The following SMAD9 variants were observed in gnomAD, a reference collection of about 807,000 sequenced individuals.
The protein encoded by SMAD9 is MAD homolog 9.
A neutral mutation model predicts 46.1 loss-of-function variants in SMAD9; 36 were observed. The ratio of observed to expected loss-of-function variants is 0.78; its 90% CI spans 0.60 to 1.03. The LOEUF is 1.03. Ranked by LOEUF, SMAD9 falls within the 50% of genes least tolerant of loss-of-function variation. SMAD9 has a pLI of 0.00. For missense variants in SMAD9, 572 were observed against 599.8 expected (o/e 0.95, Z 0.48); for synonymous variants, 245 against 237.1 (o/e 1.03, Z -0.31).
Position 36,898,075 on chromosome 13 carries a change from G to T in SMAD9, c.-186-18200C>A, listed in dbSNP as rs544343598. 3.8e-4 allele frequency among the ~76,000 whole-genome samples: 58 copies of T among 151,752 alleles called. 1 individual carries two copies. In the South Asian group the frequency reaches 8.4e-3, roughly 22 times the overall value. On this transcript the variant is annotated intron_variant, in intron 1 of 6. Coordinates refer to ENST00000379826, the MANE Select transcript of SMAD9 (RefSeq NM_001127217.3). ...GGGTTTCACCGTGTTAGCCAGGATG[G>T]TCTCAACCTCCTGACCTCGTGATCC...
At chr13:36,871,468 G>C (rs952857170) in intron 3 of SMAD9, among the ~76,000 whole-genome samples, 4 of 151,902 alleles carry the variant, frequency 2.6e-5, no homozygotes, top group African/African-American at 9.7e-5. Context: ...CAGTAAGCCA[G>C]GATCATGCCA....
At chr13:36,897,166 T>G (rs554408982) in intron 1 of SMAD9, among the ~76,000 whole-genome samples, 1 of 152,364 alleles carries the variant, frequency 6.6e-6, no homozygotes, top group South Asian at 2.1e-4. Flanking sequence ...GCTATTATTA[T>G]GAAAATTCAA....
At chr13:36,908,012 T>G (rs981881272) in intron 1 of SMAD9, among the ~76,000 whole-genome samples, 8 of 152,170 alleles carry the variant, frequency 5.3e-5, no homozygotes, top group Non-Finnish European at 2.9e-5. Flanking sequence ...GCCAGTCCCA[T>G]GAGATCCCCA....
intron 1 of SMAD9, among the ~76,000 whole-genome samples, chr13:36,891,001 T>A (rs1297454936): frequency 1.3e-5 from 2 of 152,126 alleles, no homozygotes; most frequent in Non-Finnish European, 2.9e-5. Flanking sequence ...AAGCCACTTT[T>A]ATGGGGCTTA....
intron 1 of SMAD9, among the ~76,000 whole-genome samples, chr13:36,911,121 G>T (rs1198043950): frequency 2.0e-5 from 3 of 151,936 alleles, no homozygotes; most frequent in Admixed American, 2.0e-4. Flanking sequence ...TCCTCCCCCT[G>T]CAGCCTCCTG....
At chr13:36,912,377 T>C (rs565176758) in intron 1 of SMAD9, among the ~76,000 whole-genome samples, 2 of 152,144 alleles carry the variant, frequency 1.3e-5, no homozygotes, top group South Asian at 2.1e-4. Flanking sequence ...AAGTGGACAC[T>C]ACCCTAGCAG....
chr13:36,875,601 G>A (rs541658209), intron 2 of SMAD9, among the ~76,000 whole-genome samples: 4 of 152,280 alleles, frequency 2.6e-5, no homozygotes, highest in African/African-American at 9.6e-5. Context: ...CTCATGAATA[G>A]TCTGAAGTGA....
rs762321724 is a variant in SMAD9, at chr13:36,848,044, T to C, written c.*632A>G. 1 of 152,564 alleles carries C rather than the reference T, an allele frequency of 6.6e-6. No individual in the cohort carries two copies. Among genetic ancestry groups the C allele is most frequent in the Non-Finnish European group, 1.5e-5 (1 of 68,320 alleles). 9.5% of individuals were successfully genotyped at this position (152,564 alleles called of 1,614,324 possible). Reference sequence around the variant, plus strand: ...GTGGTAGACTGAGGGAACATGACTTTTGGCTTCACAGTTTTTTTTCTTTTC... The same window carrying C: ...GTGGTAGACTGAGGGAACATGACTTCTGGCTTCACAGTTTTTTTTCTTTTC... On this transcript the variant is annotated 3_prime_UTR_variant, in exon 7 of 7. Coordinates refer to ENST00000379826, the MANE Select transcript of SMAD9 (RefSeq NM_001127217.3).
At chr13:36,863,542 A>C (rs1271991230) in intron 5 of SMAD9, among the ~76,000 whole-genome samples, 1 of 152,178 alleles carries the variant, frequency 6.6e-6, no homozygotes, top group African/African-American at 2.4e-5. Context: ...TCCAAATCTC[A>C]TATCGAAATC....
At chr13:36,864,270 G>A (rs997053643) in intron 5 of SMAD9, among the ~76,000 whole-genome samples, 1 of 152,028 alleles carries the variant, frequency 6.6e-6, no homozygotes, top group Non-Finnish European at 1.5e-5. Flanking sequence ...TTCCCTCCTT[G>A]TCAGGAAACC....
chr13:36,899,140 T>C (rs879540296), intron 1 of SMAD9, among the ~76,000 whole-genome samples: 2 of 151,730 alleles, frequency 1.3e-5, no homozygotes, highest in African/African-American at 2.4e-5. Flanking sequence ...AGAAAACAAA[T>C]GGAAAATTAA....
At chr13:36,888,384 GAT>G (rs2058464933) in intron 1 of SMAD9, among the ~76,000 whole-genome samples, 1 of 152,140 alleles carries the variant, frequency 6.6e-6, no homozygotes, top group Non-Finnish European at 1.5e-5. Flanking sequence ...CTTCTGCGAT[GAT>G]TGTAAATTTC....
At chr13:36,889,075 C>A (rs2058470329) in intron 1 of SMAD9, among the ~76,000 whole-genome samples, 1 of 152,214 alleles carries the variant, frequency 6.6e-6, no homozygotes, top group Non-Finnish European at 1.5e-5. Context: ...AGGTTGCCCA[C>A]TGTCTTTCCA....
At chr13:36,909,623 A>G (rs1026670865) in intron 1 of SMAD9, among the ~76,000 whole-genome samples, 1 of 152,204 alleles carries the variant, frequency 6.6e-6, no homozygotes, top group Non-Finnish European at 1.5e-5. Context: ...AGGCAACATG[A>G]TATAATGAAT....
intron 2 of SMAD9, among the ~76,000 whole-genome samples, chr13:36,874,497 A>G (rs56180612): frequency 0.017 from 2,619 of 152,258 alleles, 63 homozygotes; most frequent in African/African-American, 0.06. Context: ...ACCAAAAACA[A>G]ATACAAACTA....
At chr13:36,863,198 G>C (rs944661672) in intron 5 of SMAD9, among the ~76,000 whole-genome samples, 1 of 152,168 alleles carries the variant, frequency 6.6e-6, no homozygotes, top group Non-Finnish European at 1.5e-5. Context: ...AGAGAATCCT[G>C]TGATCTCACA....
chr13:36,900,232 T>C (rs1351479684), intron 1 of SMAD9, among the ~76,000 whole-genome samples: 1 of 152,156 alleles, frequency 6.6e-6, no homozygotes, highest in African/African-American at 2.4e-5. Context: ...CTCATCTGCT[T>C]TGGGACTTTA....
chr13:36,867,436 G>A, intron 3 of SMAD9, 53 bp from the exon 4 acceptor site: 6 of 1,225,678 alleles, frequency 4.9e-6, no homozygotes, highest in Non-Finnish European at 7.0e-6. Context: ...ACCACACAAA[G>A]ACAGTTGGAT....
Position 36,865,539 on chromosome 13 carries a change from T to C in SMAD9, c.1001A>G (p.Lys334Arg), listed in dbSNP as rs2058223888. Reference protein sequence around the residue: ...TIENTRRHIGKGVHLYYVGGE... With the variant: ...TIENTRRHIGRGVHLYYVGGE... The stretch of plus-strand genomic sequence containing the variant: ...AGGAATAACATCTTTGCTCTTACCC[T>C]TTCCTATATGTCTCCTGGTATTTTC... Residue 334 changes from lysine to arginine, a missense_variant and splice_region_variant, in exon 5 of 7, where the codon AAG (lysine) becomes AGG (arginine). Lys to Arg is a conservative substitution (Grantham distance 26). Transcript: ENST00000379826. The C allele has an allele frequency of 6.2e-7, 1 of 1,611,626 alleles. No homozygotes were observed. Among genetic ancestry groups the C allele is most frequent in the Non-Finnish European group, 8.5e-7 (1 of 1,177,922 alleles).
Sources: allele counts gnomAD v4.1 joint callset (sites outside exome capture counted in the v4.1 genomes callset), GRCh38; gene constraint gnomAD v4.1.1; transcripts MANE v1.5; gene names NCBI Gene and HGNC (gene_info 2026-07-23, HGNC 2026-07-21).